Variants in ABAT observed in about 807,000 individuals in gnomAD.
The protein encoded by ABAT is 4-aminobutyrate aminotransferase.
ABAT carries 45 observed loss-of-function variants against 64.6 expected under a neutral mutation model. The ratio of observed to expected loss-of-function variants is 0.70; its 90% CI spans 0.55 to 0.89. The LOEUF (loss-of-function observed/expected upper bound fraction) is 0.89. Ranked by LOEUF, ABAT falls within the 40% of genes least tolerant of loss-of-function variation. The pLI is 0.00. For synonymous variants in ABAT, 297 were observed against 250.5 expected (o/e 1.19, Z -1.75); for missense variants, 633 against 658.4 (o/e 0.96, Z 0.42).
intron 5 of ABAT, among the ~76,000 whole-genome samples, chr16:8,753,077 C>T (rs1346565236): frequency 2.0e-5 from 3 of 151,434 alleles, no homozygotes; most frequent in Admixed American, 2.0e-4. Context: ...CAACTCTCTG[C>T]CTCCCAAGCT....
chr16:8,691,889 C>A (rs1274661950), intron 1 of ABAT, among the ~76,000 whole-genome samples: 1 of 152,146 alleles, frequency 6.6e-6, no homozygotes, highest in East Asian at 1.9e-4. Flanking sequence ...TTACCTGGCC[C>A]CAAAAGTCAA....
intron 1 of ABAT, among the ~76,000 whole-genome samples, chr16:8,694,137 C>G (rs1008296149): frequency 1.3e-5 from 2 of 151,622 alleles, no homozygotes; most frequent in African/African-American, 4.8e-5. Flanking sequence ...TCACGCCATT[C>G]TCCTGCCTCA....
intron 1 of ABAT, among the ~76,000 whole-genome samples, chr16:8,689,762 GA>G (rs1340934225): frequency 2.0e-5 from 3 of 152,154 alleles, no homozygotes; most frequent in African/African-American, 7.2e-5. Context: ...AGAAGCAAGG[GA>G]AAAGCATTTT....
chr16:8,735,275 A>G (rs565739807), intron 1 of ABAT, among the ~76,000 whole-genome samples: 42 of 151,546 alleles, frequency 2.8e-4, no homozygotes, highest in African/African-American at 1.0e-3. Context: ...TTTTTGAGAC[A>G]GGGTATCACT....
chr16:8,773,047 G>C (rs1430358540), intron 12 of ABAT, 130 bp downstream of exon 12: 2 of 1,291,678 alleles, frequency 1.5e-6, no homozygotes, highest in African/African-American at 3.1e-5. Context: ...CTGTCTGTCA[G>C]CATCAGGGGT....
At chr16:8,722,789 G>T (rs985780006) in intron 1 of ABAT, 57 of 1,288,398 alleles carry the variant, frequency 4.4e-5, no homozygotes, top group Non-Finnish European at 5.2e-5. Context: ...AGGGTCTAGC[G>T]GATTGCAAAG....
chr16:8,674,938 C>T (rs1272570008), intron 1 of ABAT, among the ~76,000 whole-genome samples: 1 of 152,130 alleles, frequency 6.6e-6, no homozygotes, highest in Non-Finnish European at 1.5e-5. Flanking sequence ...CTCCTGGCTC[C>T]AGCTCTAGAC....
intron 1 of ABAT, among the ~76,000 whole-genome samples, chr16:8,732,216 T>G (rs1298627469): frequency 4.2e-5 from 6 of 144,258 alleles, no homozygotes; most frequent in Admixed American, 1.4e-4. Flanking sequence ...TTTGTTTGTT[T>G]GTTTTTTTAA....
At chr16:8,676,363 C>T (rs969670930) in intron 1 of ABAT, among the ~76,000 whole-genome samples, 24 of 152,094 alleles carry the variant, frequency 1.6e-4, no homozygotes, top group Admixed American at 1.0e-3. Context: ...CCTCCAGGAC[C>T]CTTAAGGTGC....
At chr16:8,709,059 T>A (rs1295364077) in intron 1 of ABAT, among the ~76,000 whole-genome samples, 1 of 152,148 alleles carries the variant, frequency 6.6e-6, no homozygotes, top group African/African-American at 2.4e-5. Context: ...TTTTGAAGAC[T>A]TGCTATGCCA....
chr16:8,779,865 C>G (rs74008071), intron 15 of ABAT, among the ~76,000 whole-genome samples: 2 of 152,188 alleles, frequency 1.3e-5, no homozygotes, highest in African/African-American at 4.8e-5. Context: ...AGAGCCCCTT[C>G]CTTCAGGAAG....
At chr16:8,705,827 A>T (rs1290659486) in intron 1 of ABAT, among the ~76,000 whole-genome samples, 2 of 152,188 alleles carry the variant, frequency 1.3e-5, no homozygotes, top group African/African-American at 4.8e-5. Flanking sequence ...CAGGTTTCAT[A>T]GTCCAAATGA....
chr16:8,694,965 C>G (rs1429769268), intron 1 of ABAT, among the ~76,000 whole-genome samples: 1 of 152,216 alleles, frequency 6.6e-6, no homozygotes, highest in Non-Finnish European at 1.5e-5. Context: ...ACTTCCTCCC[C>G]ATTCCCGACG....
At chr16:8,752,215 G>T (rs961477971) in intron 5 of ABAT, among the ~76,000 whole-genome samples, 2 of 152,214 alleles carry the variant, frequency 1.3e-5, no homozygotes, top group Non-Finnish European at 2.9e-5. Flanking sequence ...TTCTTTGGGG[G>T]AAGTCCATCA....
At chr16:8,757,571 G>C (rs2059683600) in intron 5 of ABAT, among the ~76,000 whole-genome samples, 186 bp from the exon 6 acceptor site, 1 of 152,168 alleles carries the variant, frequency 6.6e-6, no homozygotes, top group African/African-American at 2.4e-5. Flanking sequence ...CCCCTTGAGA[G>C]ATTCTGAGTC....
chr16:8,676,335 A>T (rs56135598), intron 1 of ABAT, among the ~76,000 whole-genome samples: 10,739 of 151,862 alleles, frequency 0.071, 539 homozygotes, highest in Admixed American at 0.13. Context: ...AGCCTGTGGG[A>T]GACAGCTGGC....
rs922881338 is a variant in ABAT, at chr16:8,750,773, T to C, written c.316+234T>C. The stretch of plus-strand genomic sequence containing the variant: ...ATTCCACAGGGTAAGTATGTATTAA[T>C]ATCCCCATTTTGCAGATAGGTAAAC... On this transcript the variant is annotated intron_variant, in intron 5 of 15. Transcript: ENST00000268251. Among the ~76,000 whole-genome samples, 5 of 152,154 alleles carry C rather than the reference T, an allele frequency of 3.3e-5. No individual in the cohort carries two copies. The East Asian group carries it at 7.7e-4, about 23-fold the overall frequency.
At chr16:8,743,911 G>C (rs1206008848) in intron 2 of ABAT, among the ~76,000 whole-genome samples, 1 of 151,944 alleles carries the variant, frequency 6.6e-6, no homozygotes, top group African/African-American at 2.4e-5. Context: ...GATTTCTAGG[G>C]GTTCCTGACA....
intron 1 of ABAT, among the ~76,000 whole-genome samples, chr16:8,711,833 T>C (rs1039703744): frequency 6.7e-6 from 1 of 149,158 alleles, no homozygotes; most frequent in Non-Finnish European, 1.5e-5. Context: ...GATGGAAAAA[T>C]GGATGGGAAG....
Sources: gnomAD v4.1 joint callset for allele counts (sites outside exome capture counted in the v4.1 genomes callset) on GRCh38, gnomAD v4.1.1 for gene constraint, MANE v1.5 for transcripts, NCBI Gene and HGNC (gene_info 2026-07-23, HGNC 2026-07-21) for gene names.